The following SH3PXD2A variants were observed in gnomAD, a reference collection of about 807,000 sequenced individuals.
SH3PXD2A encodes the protein SH3 and PX domain-containing protein 2A.
A neutral mutation model predicts 115.2 loss-of-function variants in SH3PXD2A; 32 were observed. The observed-to-expected ratio is 0.28, with a 90% confidence interval of 0.21 to 0.37. SH3PXD2A has a LOEUF of 0.37. SH3PXD2A is among the 10% of genes least tolerant of loss of function. The pLI is 1.00. For missense variants in SH3PXD2A, 1,328 were observed against 1,498.7 expected (o/e 0.89, Z 1.88); for synonymous variants, 610 against 629.1 (o/e 0.97, Z 0.45).
intron 8 of SH3PXD2A, among the ~76,000 whole-genome samples, chr10:103,644,987 A>G (rs369155993): frequency 2.0e-5 from 3 of 152,056 alleles, no homozygotes; most frequent in Non-Finnish European, 4.4e-5. Context: ...GAAGCCCCCA[A>G]ATGTGTTGAT....
At chr10:103,688,457 G>A (rs772701700) in intron 6 of SH3PXD2A, among the ~76,000 whole-genome samples, 2 of 152,240 alleles carry the variant, frequency 1.3e-5, no homozygotes, top group South Asian at 2.1e-4. Context: ...GGGAAGCGAT[G>A]AGGAGGGAAG....
Position 103,603,724 on chromosome 10 carries a change from G to C in SH3PXD2A, c.1494C>G (p.Pro498=). The change falls in exon 15 of 15, where the codon CCC becomes CCG. Residue 498 remains proline, a synonymous_variant. Coordinates refer to ENST00000369774, the MANE Select transcript of SH3PXD2A (RefSeq NM_001394015.1). ...TCTTGCGCTTATCGATGTATGATGC[G>C]GGGGCCCAGCCCTCCTTCTCACCGA... ...VQIGEKEGWA[P]ASYIDKRKKP... The C allele has an allele frequency of 1.2e-6, 2 of 1,610,804 alleles. No homozygotes were observed. Among genetic ancestry groups the C allele is most frequent in the Non-Finnish European group, 1.7e-6 (2 of 1,179,858 alleles).
At chr10:103,611,699 C>T in intron 12 of SH3PXD2A, 69 bp from the exon 13 acceptor site, 1 of 1,249,566 alleles carries the variant, frequency 8.0e-7, no homozygotes. Flanking sequence ...ACCTGCCTTC[C>T]CTAGGTGAAA....
chr10:103,761,756 T>C (rs1006841926), intron 3 of SH3PXD2A, among the ~76,000 whole-genome samples: 3 of 152,058 alleles, frequency 2.0e-5, no homozygotes, highest in African/African-American at 7.2e-5. Flanking sequence ...ATCCCTAACC[T>C]GGGAGGTGTG....
intron 3 of SH3PXD2A, among the ~76,000 whole-genome samples, chr10:103,745,043 C>T (rs2038486010): frequency 6.6e-6 from 1 of 152,242 alleles, no homozygotes; most frequent in Non-Finnish European, 1.5e-5. Flanking sequence ...ATGCAACCCA[C>T]ATTGGTCCAG....
At chr10:103,636,387 T>TGACA (rs2133974933) in intron 8 of SH3PXD2A, among the ~76,000 whole-genome samples, 1 of 139,014 alleles carries the variant, frequency 7.2e-6, no homozygotes, top group South Asian at 2.3e-4. Flanking sequence ...CCAGCCTGGG[T>TGACA]GACAGAGCGA....
Position 103,756,892 on chromosome 10 carries a change from G to A in SH3PXD2A, c.229+10202C>T, listed in dbSNP as rs7898224. Among the ~76,000 whole-genome samples the A allele has an allele frequency of 0.39, 59,253 of 151,912 alleles. 11,535 individuals carry two copies. Among genetic ancestry groups the A allele is most frequent in the Middle Eastern group, 0.45 (131 of 294 alleles). ...GACCCCAGCTGGTCTCCTCTGCTCC[G>A]TGCAAGCTCCCGCCAGCCCCTTCTC... On this transcript the variant is annotated intron_variant, in intron 3 of 14. Transcript: ENST00000369774. This position sits in a 1 kb window ranked among gnomAD's most constrained non-coding sequence, Gnocchi z 4.4.
intron 6 of SH3PXD2A, among the ~76,000 whole-genome samples, chr10:103,686,988 T>TC (rs2037686287): frequency 6.6e-6 from 1 of 152,176 alleles, no homozygotes; most frequent in African/African-American, 2.4e-5. Context: ...CCTCAGGTGA[T>TC]CCACCTGCCT....
chr10:103,778,173 A>T (rs11818007), intron 2 of SH3PXD2A, among the ~76,000 whole-genome samples: 3 of 149,490 alleles, frequency 2.0e-5, no homozygotes, highest in Non-Finnish European at 3.0e-5. Context: ...ACTAAAAATT[A>T]AAAAAAAAAA....
chr10:103,837,513 G>A (rs1476045761), intron 1 of SH3PXD2A, among the ~76,000 whole-genome samples: 1 of 152,174 alleles, frequency 6.6e-6, no homozygotes, highest in Admixed American at 6.5e-5. Flanking sequence ...CACCCACTTG[G>A]GCAGAGCAAG....
intron 5 of SH3PXD2A, among the ~76,000 whole-genome samples, chr10:103,707,876 C>T (rs1260263496): frequency 1.3e-5 from 2 of 152,128 alleles, no homozygotes; most frequent in Admixed American, 1.3e-4. Context: ...CCCTCCTCTG[C>T]TGGGAAATCT....
intron 7 of SH3PXD2A, among the ~76,000 whole-genome samples, chr10:103,663,836 C>T (rs1270646630): frequency 1.3e-4 from 20 of 152,256 alleles, no homozygotes; most frequent in Admixed American, 1.2e-3. Flanking sequence ...GCCCTGCAGG[C>T]CCATCTCAGC....
At chr10:103,649,431 C>A (rs2037086344) in intron 8 of SH3PXD2A, among the ~76,000 whole-genome samples, 1 of 152,242 alleles carries the variant, frequency 6.6e-6, no homozygotes, top group African/African-American at 2.4e-5. Context: ...TGGCACGCCA[C>A]TGCTCTGCCC....
At chr10:103,825,224 C>T (rs1291531372) in intron 1 of SH3PXD2A, among the ~76,000 whole-genome samples, 1 of 152,188 alleles carries the variant, frequency 6.6e-6, no homozygotes, top group African/African-American at 2.4e-5. Flanking sequence ...CCAACCCTGA[C>T]ACCTCACACA....
intron 1 of SH3PXD2A, among the ~76,000 whole-genome samples, chr10:103,807,278 G>A (rs924518223): frequency 6.6e-6 from 1 of 152,200 alleles, no homozygotes; most frequent in Non-Finnish European, 1.5e-5. Flanking sequence ...ATTAGAAAGT[G>A]CTGGTAAGTA....
Position 103,767,074 on chromosome 10 carries a change from T to G in SH3PXD2A, c.229+20A>C, listed in dbSNP as rs1254034645. The G allele has an allele frequency of 6.2e-7, 1 of 1,602,486 alleles. No homozygotes were observed. The highest frequency in any genetic ancestry group is 1.7e-5 in the Admixed American group (1 of 59,816). On this transcript the variant is annotated intron_variant, in intron 3 of 14. Coordinates refer to ENST00000369774, the MANE Select transcript of SH3PXD2A (RefSeq NM_001394015.1). ...TTCCCGGGTATCCCCCATCCCTGGGTGGAGCCACCCAATGCTTACCTGGGA... is the reference window on the plus strand; with the variant it reads ...TTCCCGGGTATCCCCCATCCCTGGGGGGAGCCACCCAATGCTTACCTGGGA...
At chr10:103,623,567 G>A (rs2036643365) in intron 9 of SH3PXD2A, among the ~76,000 whole-genome samples, 1 of 152,148 alleles carries the variant, frequency 6.6e-6, no homozygotes, top group Admixed American at 6.5e-5. Context: ...AGACCACCGA[G>A]GCCCTGGGAA....
intron 5 of SH3PXD2A, among the ~76,000 whole-genome samples, chr10:103,719,356 G>T (rs1230647815): frequency 6.6e-6 from 1 of 152,240 alleles, no homozygotes; most frequent in East Asian, 1.9e-4. Context: ...AGCCTGGCTT[G>T]GATCTTGGCC....
Position 103,767,115 on chromosome 10 carries a change from T to C in SH3PXD2A, c.208A>G (p.Arg70Gly), listed in dbSNP as rs772086631. Residue 70 changes from arginine to glycine, a missense_variant, in exon 3 of 15, where the codon AGG becomes GGG. By Grantham distance (125) the Arg-to-Gly change is moderately radical. This residue lies in a region of SH3PXD2A where 110 missense variants were observed against 160.0 expected (regional missense o/e 0.69). Transcript: ENST00000369774. ...TTACCTGGGAGGAAGGGGATGATCC[T>C]TTGCTTGGGGTCCTTCTGGCCACCT... Reference protein sequence around the residue: ...IEGGQKDPKQRIIPFLPGKIL... With the variant: ...IEGGQKDPKQGIIPFLPGKIL... The C allele has an allele frequency of 6.2e-7, 1 of 1,613,976 alleles. No individual in the cohort carries two copies. Among genetic ancestry groups the C allele is most frequent in the Admixed American group, 1.7e-5 (1 of 60,008 alleles).
Sources: allele counts gnomAD v4.1 joint callset (sites outside exome capture counted in the v4.1 genomes callset), GRCh38; gene constraint gnomAD v4.1.1; regional missense constraint gnomAD v4.1.1; non-coding constraint Gnocchi (gnomAD v3.1); transcripts MANE v1.5; gene names NCBI Gene and HGNC (gene_info 2026-07-23, HGNC 2026-07-21).